The following GRM7 variants were observed in gnomAD, a reference collection of about 807,000 sequenced individuals.
GRM7 encodes the protein glutamate metabotropic receptor 7, also known as metabotropic glutamate receptor 7.
Under a neutral mutation model 84.5 loss-of-function variants are expected in GRM7, and 35 were observed. The observed-to-expected ratio is 0.41, with a 90% CI of 0.32 to 0.55. GRM7 has a LOEUF of 0.55. Ranked by LOEUF, GRM7 falls within the 20% of genes least tolerant of loss-of-function variation. GRM7 has a pLI of 0.19. For missense variants in GRM7, 1,003 were observed against 1,194.6 expected (o/e 0.84, Z 2.36); for synonymous variants, 487 against 455.1 (o/e 1.07, Z -0.89).
intron 2 of GRM7, among the ~76,000 whole-genome samples, chr3:7,285,823 T>G (rs1224593640): frequency 1.3e-5 from 2 of 152,116 alleles, no homozygotes; most frequent in African/African-American, 4.8e-5. Flanking sequence ...TCATATTTAT[T>G]TATGATTTTT....
chr3:7,735,626 C>G (rs538446320), intron 9 of GRM7, among the ~76,000 whole-genome samples: 1 of 152,200 alleles, frequency 6.6e-6, no homozygotes, highest in African/African-American at 2.4e-5. Flanking sequence ...TAAAATTATA[C>G]AGTCAAGCTC....
chr3:7,431,051 C>G (rs1696808579), intron 5 of GRM7, among the ~76,000 whole-genome samples: 3 of 152,062 alleles, frequency 2.0e-5, no homozygotes, highest in African/African-American at 7.2e-5. Context: ...AATGACTGTG[C>G]TTGTTGCCGT....
chr3:7,694,696 C>T (rs79009804), intron 9 of GRM7, among the ~76,000 whole-genome samples: 6,398 of 152,254 alleles, frequency 0.042, 215 homozygotes, highest in Non-Finnish European at 0.065. Context: ...TGACTCTAGG[C>T]ATAAATACAT....
intron 7 of GRM7, among the ~76,000 whole-genome samples, chr3:7,540,226 T>C (rs1165026020): frequency 6.6e-6 from 1 of 152,170 alleles, no homozygotes; most frequent in East Asian, 1.9e-4. Flanking sequence ...ACTCCATTCT[T>C]AGGTATCTAC....
At chr3:7,038,730 G>A (rs1209633543) in intron 1 of GRM7, among the ~76,000 whole-genome samples, 1 of 152,172 alleles carries the variant, frequency 6.6e-6, no homozygotes. Context: ...GTAAAAAGAG[G>A]TTGATACAAT....
At chr3:7,103,329 A>C (rs1382446293) in intron 1 of GRM7, among the ~76,000 whole-genome samples, 1 of 151,714 alleles carries the variant, frequency 6.6e-6, no homozygotes. Context: ...GTGGCTACCA[A>C]GCCTCTCTAA....
intron 9 of GRM7, among the ~76,000 whole-genome samples, chr3:7,716,376 C>T (rs982924594): frequency 7.9e-5 from 12 of 152,144 alleles, no homozygotes; most frequent in Non-Finnish European, 1.5e-4. Context: ...TTTCTGCCTA[C>T]AGGGAAAATA....
At chr3:6,990,932 G>A (rs1026690390) in intron 1 of GRM7, among the ~76,000 whole-genome samples, 7 of 152,116 alleles carry the variant, frequency 4.6e-5, no homozygotes, top group South Asian at 2.1e-4. Flanking sequence ...GGCCAGGAGC[G>A]GTGGTAGGAG....
chr3:7,639,694 G>A (rs1465713618), intron 8 of GRM7, among the ~76,000 whole-genome samples: 1 of 151,970 alleles, frequency 6.6e-6, no homozygotes, highest in Non-Finnish European at 1.5e-5. Flanking sequence ...TGTAATATAT[G>A]TATGCAGTAT....
Position 7,615,882 on chromosome 3 carries a change from A to T in GRM7, c.2451+36525A>T, listed in dbSNP as rs1697056013. 2.0e-5 allele frequency among the ~76,000 whole-genome samples: 3 copies of T among 152,082 alleles called. No individual in the cohort carries two copies. In the South Asian group the frequency reaches 6.2e-4, roughly 32 times the overall value. On this transcript the variant is annotated intron_variant, in intron 8 of 9. Coordinates refer to ENST00000357716, the MANE Select transcript of GRM7 (RefSeq NM_000844.4). ...TTTATGTGTGTATGAGTGTATATGT[A>T]TATATAGTATATATTACATATAAGC... is the stretch of plus-strand genomic sequence containing the variant.
rs148724621 is a variant in GRM7, at chr3:7,734,327, A to C, written c.2699-6030A>C. ...TCATCTCACTGAGTAGAAAAAAAGG[A>C]TATGCCAATCCCTTGCTGATGACAC... On this transcript the variant is annotated intron_variant, in intron 9 of 9. Coordinates refer to ENST00000357716, the MANE Select transcript of GRM7 (RefSeq NM_000844.4). Among the ~76,000 whole-genome samples the C allele has an allele frequency of 8.5e-5, 13 of 152,162 alleles. No individual in the cohort carries two copies. The South Asian group carries it at 2.7e-3, about 32-fold the overall frequency.
At chr3:7,472,709 CAGG>C (rs1451401216) in intron 7 of GRM7, among the ~76,000 whole-genome samples, 1 of 152,172 alleles carries the variant, frequency 6.6e-6, no homozygotes, top group Non-Finnish European at 1.5e-5. Context: ...TGGTCAAAAT[CAGG>C]AGGACAATGT....
intron 1 of GRM7, among the ~76,000 whole-genome samples, chr3:7,123,039 A>G (rs1693277241): frequency 6.6e-6 from 1 of 152,228 alleles, no homozygotes; most frequent in South Asian, 2.1e-4. Flanking sequence ...TGAAATTGGT[A>G]AATTAGAATC....
At chr3:7,494,754 T>A (rs183378409) in intron 7 of GRM7, among the ~76,000 whole-genome samples, 196 of 152,320 alleles carry the variant, frequency 1.3e-3, no homozygotes, top group African/African-American at 4.6e-3. Flanking sequence ...TTTTTATTGT[T>A]ATCATTGTAA....
At chr3:7,421,349 T>A (rs1696385714) in intron 5 of GRM7, among the ~76,000 whole-genome samples, 2 of 152,188 alleles carry the variant, frequency 1.3e-5, no homozygotes, top group African/African-American at 4.8e-5. Context: ...TTCTGTATGG[T>A]TGTGTATTGT....
At chr3:7,589,597 T>C (rs1015664653) in intron 8 of GRM7, among the ~76,000 whole-genome samples, 1 of 152,138 alleles carries the variant, frequency 6.6e-6, no homozygotes, top group Non-Finnish European at 1.5e-5. Context: ...AGACGTCCCA[T>C]ATTATTCCAG....
At chr3:7,051,358 T>G (rs373116073) in intron 1 of GRM7, among the ~76,000 whole-genome samples, 1 of 151,790 alleles carries the variant, frequency 6.6e-6, no homozygotes, top group Non-Finnish European at 1.5e-5. Flanking sequence ...TAAAAATTCC[T>G]GCTCAACTGG....
At chr3:7,373,454 T>C (rs1266708471) in intron 4 of GRM7, among the ~76,000 whole-genome samples, 1 of 152,214 alleles carries the variant, frequency 6.6e-6, no homozygotes, top group East Asian at 1.9e-4. Flanking sequence ...TGGTGCCTGC[T>C]AGGTCTAGCT....
chr3:7,550,957 G>T (rs1233201742), intron 7 of GRM7, among the ~76,000 whole-genome samples: 1 of 152,262 alleles, frequency 6.6e-6, no homozygotes, highest in African/African-American at 2.4e-5. Flanking sequence ...TTTAGAGTTA[G>T]AAATATCAGG....
Sources: allele counts gnomAD v4.1 joint callset (sites outside exome capture counted in the v4.1 genomes callset), GRCh38; gene constraint gnomAD v4.1.1; transcripts MANE v1.5; gene names NCBI Gene and HGNC (gene_info 2026-07-23, HGNC 2026-07-21).